CCSER1: variants seen among roughly 807,000 people sequenced by gnomAD.
CCSER1 encodes the protein serine-rich coiled-coil domain-containing protein 1.
A neutral mutation model predicts 82.0 loss-of-function variants in CCSER1; 41 were observed. That is an observed-to-expected ratio of 0.50 (90% CI 0.39 to 0.65). CCSER1 has a LOEUF of 0.65. CCSER1 is among the 30% of genes least tolerant of loss of function. The probability of loss-of-function intolerance (pLI) is 0.00; values close to 1 mark genes in which losing one functional copy is unlikely to be tolerated. For synonymous variants in CCSER1, 414 were observed against 383.9 expected, an observed-to-expected ratio of 1.08 and a Z score of -0.92; for missense variants, 1,119 against 1,064.2, an observed-to-expected ratio of 1.05 and a Z score of -0.72.
At chr4:91,064,707 C>T (rs959691424) in intron 9 of CCSER1, among the ~76,000 whole-genome samples, 6 of 152,342 alleles carry the variant, frequency 3.9e-5, no homozygotes, top group African/African-American at 1.2e-4. Flanking sequence ...ACAGCTTTAT[C>T]AGTGTAGGGA....
At chr4:90,717,400 T>C (rs1741817826) in intron 6 of CCSER1, among the ~76,000 whole-genome samples, 2 of 152,084 alleles carry the variant, frequency 1.3e-5, no homozygotes, top group African/African-American at 4.8e-5. Flanking sequence ...ACAAGACCAG[T>C]AAAAGATGTG....
In CCSER1 at chr4:90,475,439, G is replaced by T. The variant is rs540974662; in HGVS notation, c.1724+7085G>T. On this transcript the variant is annotated intron_variant, in intron 5 of 10. Transcript: ENST00000509176. ...TGGTGAAAGCTGTTGCCTAAATATAGGTCTCTTCCACAGCTTTTGGAGGAA... is the reference window on the plus strand; with the variant it reads ...TGGTGAAAGCTGTTGCCTAAATATATGTCTCTTCCACAGCTTTTGGAGGAA... 2.6e-5 allele frequency among the ~76,000 whole-genome samples: 4 copies of T among 152,294 alleles called. No individual in the cohort carries two copies. In the South Asian group the frequency reaches 8.3e-4, roughly 32 times the overall value.
intron 8 of CCSER1, among the ~76,000 whole-genome samples, chr4:90,843,459 G>A (rs77921009): frequency 2.6e-5 from 4 of 152,144 alleles, no homozygotes; most frequent in East Asian, 3.9e-4. Flanking sequence ...TATGAGTTGG[G>A]TATCATTTTG....
chr4:90,936,064 A>T (rs1730894003), intron 9 of CCSER1, among the ~76,000 whole-genome samples: 1 of 152,134 alleles, frequency 6.6e-6, no homozygotes, highest in Admixed American at 6.5e-5. Context: ...CATCACTGCT[A>T]ACATGAATAT....
At chr4:90,914,329 G>A (rs1410336723) in intron 8 of CCSER1, among the ~76,000 whole-genome samples, 1 of 152,096 alleles carries the variant, frequency 6.6e-6, no homozygotes, top group African/African-American at 2.4e-5. Flanking sequence ...TAGAACTCAG[G>A]ATTAAGAAAA....
intron 5 of CCSER1, among the ~76,000 whole-genome samples, chr4:90,616,097 G>A (rs756405158): frequency 1.2e-4 from 19 of 152,138 alleles, no homozygotes; most frequent in Non-Finnish European, 2.1e-4. Flanking sequence ...AAATTAAGGC[G>A]TGTACATTGT....
At chr4:90,265,610 A>C (rs933027105) in intron 1 of CCSER1, among the ~76,000 whole-genome samples, 9 of 152,072 alleles carry the variant, frequency 5.9e-5, no homozygotes, top group African/African-American at 1.7e-4. Flanking sequence ...CTATTAAGTT[A>C]TATCAATTTC....
At chr4:91,512,922 G>A (rs1033818826) in intron 10 of CCSER1, among the ~76,000 whole-genome samples, 2 of 152,066 alleles carry the variant, frequency 1.3e-5, no homozygotes, top group Non-Finnish European at 2.9e-5. Flanking sequence ...GAGACAGTTT[G>A]ACTTCTTCTT....
chr4:90,690,720 C>T (rs1735663756), intron 6 of CCSER1, among the ~76,000 whole-genome samples: 1 of 152,002 alleles, frequency 6.6e-6, no homozygotes, highest in Admixed American at 6.6e-5. Flanking sequence ...CAGCAAGGAG[C>T]CACCTTATTG....
chr4:91,348,116 A>G (rs959048257), intron 10 of CCSER1, among the ~76,000 whole-genome samples: 2 of 152,112 alleles, frequency 1.3e-5, no homozygotes, highest in Non-Finnish European at 2.9e-5. Flanking sequence ...GTAAGTGTTT[A>G]TAGATTTTTT....
Position 90,616,679 on chromosome 4 carries a change from TGTCTCA to T in CCSER1, c.1725-11345_1725-11340del, listed in dbSNP as rs1430510040. ...CAGCCTGGGCCACAGAGTGTGGCTC[TGTCTCA>T]CACACACACACACACACACACACAC... On this transcript the variant is annotated intron_variant, in intron 5 of 10. Transcript: ENST00000509176. Among the ~76,000 whole-genome samples, 6 of 135,668 alleles carry T rather than the reference TGTCTCA, an allele frequency of 4.4e-5. No individual in the cohort carries two copies. In the South Asian group the frequency reaches 7.4e-4, roughly 17 times the overall value. The allele number at this position is 135,668 out of a possible 152,430, so 89.0% of individuals were successfully genotyped here.
At chr4:90,200,061 G>GACAC (rs71596519) in intron 1 of CCSER1, among the ~76,000 whole-genome samples, 12,598 of 144,842 alleles carry the variant, frequency 0.087, 607 homozygotes, top group Middle Eastern at 0.15. Flanking sequence ...CGTGCACGCA[G>GACAC]ACACACACAC....
chr4:91,022,758 C>A (rs1740114036), intron 9 of CCSER1, among the ~76,000 whole-genome samples: 1 of 152,134 alleles, frequency 6.6e-6, no homozygotes, highest in Admixed American at 6.5e-5. Context: ...CTCTGATGGC[C>A]AGTGATGATG....
At chr4:90,500,641 G>A (rs1363458076) in intron 5 of CCSER1, among the ~76,000 whole-genome samples, 1 of 152,026 alleles carries the variant, frequency 6.6e-6, no homozygotes, top group African/African-American at 2.4e-5. Context: ...CACATCTTTT[G>A]TTTAAATCAT....
At chr4:91,003,758 T>C (rs1305090405) in intron 9 of CCSER1, among the ~76,000 whole-genome samples, 2 of 152,038 alleles carry the variant, frequency 1.3e-5, no homozygotes, top group Non-Finnish European at 1.5e-5. Context: ...TGGGTTGAAA[T>C]TGTTAAAAAA....
intron 5 of CCSER1, among the ~76,000 whole-genome samples, chr4:90,593,141 A>G (rs901888226): frequency 3.9e-5 from 6 of 152,150 alleles, no homozygotes; most frequent in African/African-American, 1.4e-4. Context: ...CTTACTTTGG[A>G]TTTATTCATT....
At chr4:91,502,559 C>CT (rs909112061) in intron 10 of CCSER1, among the ~76,000 whole-genome samples, 1 of 152,162 alleles carries the variant, frequency 6.6e-6, no homozygotes, top group African/African-American at 2.4e-5. Flanking sequence ...TTACCACCCC[C>CT]TGGTGGAGTT....
chr4:90,691,670 T>C (rs1735985961), intron 6 of CCSER1, among the ~76,000 whole-genome samples: 1 of 143,466 alleles, frequency 7.0e-6, no homozygotes. Context: ...CATATGTACG[T>C]GTGTATCTAT....
At chr4:90,674,430 G>A (rs1175557921) in intron 6 of CCSER1, among the ~76,000 whole-genome samples, 2 of 151,870 alleles carry the variant, frequency 1.3e-5, no homozygotes, top group Non-Finnish European at 2.9e-5. Flanking sequence ...ACTGAGAGAA[G>A]CGACAATACT....
Sources: allele counts gnomAD v4.1 joint callset (sites outside exome capture counted in the v4.1 genomes callset), GRCh38; gene constraint gnomAD v4.1.1; transcripts MANE v1.5; gene names NCBI Gene and HGNC (gene_info 2026-07-23, HGNC 2026-07-21).